The following ADD1 variants were observed in gnomAD, a reference collection of about 807,000 sequenced individuals.
ADD1 encodes the protein adducin 1.
ADD1 carries 24 observed loss-of-function variants against 80.5 expected under a neutral mutation model. The ratio of observed to expected loss-of-function variants is 0.30; its 90% CI spans 0.22 to 0.42. The LOEUF (loss-of-function observed/expected upper bound fraction) is 0.42. Among genes scored for constraint, ADD1 ranks in the 10% least tolerant of loss-of-function variants. The pLI is 1.00. For missense variants in ADD1, 948 were observed against 1,019.0 expected (o/e 0.93, Z 0.95); for synonymous variants, 373 against 393.8 (o/e 0.95, Z 0.63).
chr4:2,899,230 C>A lies in ADD1; in HGVS notation c.985-29C>A, dbSNP rs1158044101. The A allele has an allele frequency of 1.9e-6, 3 of 1,584,816 alleles. No individual in the cohort carries two copies. The African/African-American group carries it at 4.1e-5, about 21-fold the overall frequency. ...ACCCTCTTGATCTCAGTAAGGAACT[C>A]AAGCCATGCTGTGTGTGTTTTGGAA... is the stretch of plus-strand genomic sequence containing the variant. On this transcript the variant is annotated intron_variant, in intron 8 of 15. Coordinates refer to ENST00000683351, the MANE Select transcript of ADD1 (RefSeq NM_001354761.2).
intron 4 of ADD1, among the ~76,000 whole-genome samples, chr4:2,889,467 C>T (rs1340775071): frequency 1.3e-5 from 2 of 152,056 alleles, no homozygotes; most frequent in African/African-American, 2.4e-5. Flanking sequence ...AATCACTTAT[C>T]GTAAAAGAAA....
chr4:2,924,644 C>T (rs1214670481), intron 14 of ADD1, among the ~76,000 whole-genome samples: 2 of 152,206 alleles, frequency 1.3e-5, no homozygotes, highest in East Asian at 1.9e-4. Context: ...TCTAGACCAG[C>T]CACTGCATTA....
At chr4:2,927,154 C>T (rs1305159336) in intron 15 of ADD1, among the ~76,000 whole-genome samples, 3 of 152,250 alleles carry the variant, frequency 2.0e-5, no homozygotes, top group Admixed American at 6.5e-5. Context: ...GATGGCAGCT[C>T]TCCAGAGCGA....
At chr4:2,907,175 A>G (rs367745875) in intron 10 of ADD1, 1 of 152,322 alleles carries the variant, frequency 6.6e-6, no homozygotes, top group East Asian at 1.9e-4. Flanking sequence ...CTCTTCTTCC[A>G]GGTAGCTACC....
chr4:2,914,713 A>G, intron 13 of ADD1, 171 bp from the exon 14 acceptor site: 1 of 653,278 alleles, frequency 1.5e-6, no homozygotes, highest in Non-Finnish European at 2.6e-6. Context: ...TCCATTATAT[A>G]CCACTGAAGG....
rs1560264935 is a variant in ADD1, at chr4:2,926,126, G to T, written c.2047+14G>T. 1 of 1,609,232 alleles carries T rather than the reference G, an allele frequency of 6.2e-7. No homozygotes were observed. The highest frequency in any genetic ancestry group is 8.5e-7 in the Non-Finnish European group (1 of 1,177,128). The stretch of plus-strand genomic sequence containing the variant: ...AGCTGGAGGAAGGTGAGCTCTGGGT[G>T]GCAGCGGCCGCCACTGTGGGAGGGT... On this transcript the variant is annotated intron_variant, in intron 15 of 15. Transcript: ENST00000683351. This position sits in a 1 kb window ranked among gnomAD's most constrained non-coding sequence, Gnocchi z 5.0.
intron 1 of ADD1, among the ~76,000 whole-genome samples, chr4:2,849,064 T>G (rs1168847498): frequency 1.5e-4 from 23 of 152,178 alleles, no homozygotes; most frequent in Non-Finnish European, 1.5e-5. Context: ...CGTAGATGTT[T>G]CCAGATTATC....
chr4:2,871,794 A>T (rs1730497821), intron 1 of ADD1, among the ~76,000 whole-genome samples: 2 of 152,206 alleles, frequency 1.3e-5, no homozygotes, highest in African/African-American at 4.8e-5. Context: ...ATCTAATATA[A>T]TCCTAGTAAT....
intron 9 of ADD1, chr4:2,901,208 A>G (rs1736117301): frequency 6.6e-6 from 1 of 152,254 alleles, no homozygotes; most frequent in Admixed American, 6.5e-5. Context: ...GTGCAAGGTA[A>G]GGAGGGCTGA....
chr4:2,851,758 C>G (rs1304155252), intron 1 of ADD1, among the ~76,000 whole-genome samples: 1 of 152,138 alleles, frequency 6.6e-6, no homozygotes, highest in Non-Finnish European at 1.5e-5. Flanking sequence ...CTGAGTGTCT[C>G]CTTCAGTAGG....
intron 9 of ADD1, among the ~76,000 whole-genome samples, chr4:2,903,866 A>G (rs1322813074): frequency 6.6e-6 from 1 of 152,210 alleles, no homozygotes; most frequent in African/African-American, 2.4e-5. Context: ...TTGGTCCAGT[A>G]GAGGCATGAA....
At chr4:2,893,841 T>C (rs557486903) in intron 4 of ADD1, among the ~76,000 whole-genome samples, 172 bp from the exon 5 acceptor site, 1 of 152,240 alleles carries the variant, frequency 6.6e-6, no homozygotes, top group East Asian at 1.9e-4. Flanking sequence ...ATTAGTACAG[T>C]AGAATAATGG....
rs897884647 is a variant in ADD1 at position 2,898,167 on chromosome 4, G to A, written c.742-17G>A. The A allele has an allele frequency of 1.3e-5, 20 of 1,596,256 alleles. No homozygotes were observed. Among genetic ancestry groups the A allele is most frequent in the Non-Finnish European group, 1.6e-5 (19 of 1,170,890 alleles). On this transcript the variant is annotated splice_polypyrimidine_tract_variant and intron_variant, in intron 6 of 15. Transcript: ENST00000683351. Reference sequence around the variant, plus strand: ...ACCCCAGGTTTTCCTTCTTCATGGCGACCATTTGGTCTCTAGGTCTCTGCA... The same window carrying A: ...ACCCCAGGTTTTCCTTCTTCATGGCAACCATTTGGTCTCTAGGTCTCTGCA...
chr4:2,882,929 C>T (rs1209384797), intron 3 of ADD1, among the ~76,000 whole-genome samples: 1 of 152,130 alleles, frequency 6.6e-6, no homozygotes, highest in Non-Finnish European at 1.5e-5. Context: ...GGCATGATCT[C>T]AGCTCCCTGC....
chr4:2,898,407 C>T (rs1043552038), intron 7 of ADD1, 26 bp from the exon 8 acceptor site: 10 of 1,614,002 alleles, frequency 6.2e-6, no homozygotes, highest in Non-Finnish European at 8.5e-6. Context: ...TGCCCAGCTC[C>T]ACAGAGCATT....
intron 13 of ADD1, among the ~76,000 whole-genome samples, chr4:2,911,081 C>T (rs1290893676): frequency 6.6e-6 from 1 of 152,178 alleles, no homozygotes; most frequent in Non-Finnish European, 1.5e-5. Flanking sequence ...GACAGTCTTG[C>T]TCCTTTTGGA....
At chr4:2,869,945 A>G (rs1319115221) in intron 1 of ADD1, among the ~76,000 whole-genome samples, 1 of 152,146 alleles carries the variant, frequency 6.6e-6, no homozygotes, top group Non-Finnish European at 1.5e-5. Flanking sequence ...TTATTAGCTG[A>G]CAATCAAAGA....
intron 14 of ADD1, among the ~76,000 whole-genome samples, chr4:2,921,612 T>TC (rs1260658798): frequency 6.6e-6 from 1 of 152,172 alleles, no homozygotes; most frequent in Non-Finnish European, 1.5e-5. Context: ...TGATTATGTG[T>TC]CTTGGGGTTG....
At chr4:2,847,157 G>A (rs1726357548) in intron 1 of ADD1, among the ~76,000 whole-genome samples, 1 of 151,730 alleles carries the variant, frequency 6.6e-6, no homozygotes, top group Non-Finnish European at 1.5e-5. Flanking sequence ...AGCTAGGTGC[G>A]GTCGCTCACA....
Sources: allele counts gnomAD v4.1 joint callset (sites outside exome capture counted in the v4.1 genomes callset), GRCh38; gene constraint gnomAD v4.1.1; non-coding constraint Gnocchi (gnomAD v3.1); transcripts MANE v1.5; gene names NCBI Gene and HGNC (gene_info 2026-07-23, HGNC 2026-07-21).